Variants in KCNJ4 observed in about 807,000 individuals in gnomAD.
The protein encoded by KCNJ4 is potassium inwardly rectifying channel subfamily J member 4, also known as inward rectifier potassium channel 4.
KCNJ4 carries 3 observed loss-of-function variants against 25.6 expected under a neutral mutation model. The ratio of observed to expected loss-of-function variants is 0.12; its 90% confidence interval spans 0.05 to 0.30. KCNJ4 has a LOEUF of 0.30. Ranked by LOEUF, KCNJ4 falls within the 10% of genes least tolerant of loss-of-function variation. The probability of loss-of-function intolerance (pLI) is 1.00; values close to 1 mark genes in which losing one functional copy is unlikely to be tolerated. For missense variants in KCNJ4, 286 were observed against 666.8 expected (o/e 0.43, Z 6.29); for synonymous variants, 257 against 283.9 (o/e 0.91, Z 0.95).
chr22:38,439,601 C>A (rs1384946679), intron 1 of KCNJ4, among the ~76,000 whole-genome samples: 1 of 148,800 alleles, frequency 6.7e-6, no homozygotes, highest in Non-Finnish European at 1.5e-5. Context: ...ACGGTGAAAC[C>A]CCGTCTCTAC....
chr22:38,439,381 A>C (rs1365006592), intron 1 of KCNJ4, among the ~76,000 whole-genome samples: 1 of 152,158 alleles, frequency 6.6e-6, no homozygotes, highest in African/African-American at 2.4e-5. Flanking sequence ...ACAGTCAGCC[A>C]AGGTCACACC....
Position 38,445,738 on chromosome 22 carries a change from G to A in KCNJ4, c.-40+9242C>T, listed in dbSNP as rs538638994. Among the ~76,000 whole-genome samples, 4 of 152,244 alleles carry A rather than the reference G, an allele frequency of 2.6e-5. No individual in the cohort carries two copies. The South Asian group carries it at 8.3e-4, about 32-fold the overall frequency. Reference sequence around the variant, plus strand: ...AATTTTCTTTTTAATTTCATTTTCGGAAAACAAGTAGTGCAACTCACTAAG... The same window carrying A: ...AATTTTCTTTTTAATTTCATTTTCGAAAAACAAGTAGTGCAACTCACTAAG... On this transcript the variant is annotated intron_variant, in intron 1 of 1. Coordinates refer to ENST00000303592, the MANE Select transcript of KCNJ4 (RefSeq NM_152868.3).
chr22:38,452,465 A>T (rs1352277209), intron 1 of KCNJ4, among the ~76,000 whole-genome samples: 1 of 152,098 alleles, frequency 6.6e-6, no homozygotes, highest in Non-Finnish European at 1.5e-5. Flanking sequence ...CTGAGATGGG[A>T]AGAGTGAGCA....
intron 1 of KCNJ4, among the ~76,000 whole-genome samples, chr22:38,439,658 C>G (rs2089317943): frequency 2.7e-5 from 4 of 149,402 alleles, no homozygotes. Flanking sequence ...ACCTGTAGTC[C>G]CAGCTACTCG....
At chr22:38,437,628 C>T (rs2093068995) in intron 1 of KCNJ4, among the ~76,000 whole-genome samples, 2 of 152,128 alleles carry the variant, frequency 1.3e-5, no homozygotes, top group South Asian at 2.1e-4. Context: ...CACAGGCGGC[C>T]GGATGTGTGT....
At chr22:38,439,587 G>A (rs980051558) in intron 1 of KCNJ4, among the ~76,000 whole-genome samples, 11 of 135,736 alleles carry the variant, frequency 8.1e-5, no homozygotes, top group Admixed American at 1.5e-4. Context: ...CCATCCTGGC[G>A]AACACGGTGA....
chr22:38,446,998 G>C (rs1489680868), intron 1 of KCNJ4, among the ~76,000 whole-genome samples: 3 of 151,028 alleles, frequency 2.0e-5, no homozygotes, highest in Non-Finnish European at 4.4e-5. Context: ...CCACCCTTAC[G>C]GGGCAGGGGG....
chr22:38,432,186 G>A (rs1316639265), intron 1 of KCNJ4, among the ~76,000 whole-genome samples: 1 of 151,564 alleles, frequency 6.6e-6, no homozygotes, highest in East Asian at 1.9e-4. Flanking sequence ...AACCTGGGAG[G>A]CAGAGGTTGC....
intron 1 of KCNJ4, among the ~76,000 whole-genome samples, chr22:38,448,638 C>T (rs1350494292): frequency 2.6e-5 from 4 of 152,146 alleles, no homozygotes; most frequent in South Asian, 2.1e-4. Context: ...GAGGAGGGGC[C>T]GGCAGCCCTG....
At chr22:38,451,539 G>A (rs940141121) in intron 1 of KCNJ4, among the ~76,000 whole-genome samples, 10 of 152,200 alleles carry the variant, frequency 6.6e-5, no homozygotes, top group African/African-American at 2.4e-4. Context: ...AGAGAAGGGA[G>A]GGAGAAAGGA....
chr22:38,451,716 ACC>A (rs1840415539), intron 1 of KCNJ4, among the ~76,000 whole-genome samples: 1 of 151,912 alleles, frequency 6.6e-6, no homozygotes, highest in East Asian at 1.9e-4. Context: ...CATCACTGTG[ACC>A]CTCATGGGTC....
At position 38,428,049 on chromosome 22, in the gene KCNJ4, G is replaced by A. The variant is rs776055791; in HGVS notation, c.84C>T (p.Cys28=). Residue 28 remains cysteine, a synonymous_variant, in exon 2 of 2, where the codon TGC becomes TGT. Transcript: ENST00000303592. ...TGCTCAGGTTGGCGAAGTACACGTT[G>A]CATTGGCCGTTCTTCTTGACGAAGC... The part of the protein sequence containing the change: ...RNRFVKKNGQ[C]NVYFANLSNK... 1.9e-6 allele frequency: 3 copies of A among 1,614,170 alleles called. No individual in the cohort carries two copies. The highest frequency in any genetic ancestry group is 1.6e-4 in the Middle Eastern group (1 of 6,062).
chr22:38,443,905 T>C lies in KCNJ4; in HGVS notation c.-40+11075A>G, dbSNP rs1427003975. Among the ~76,000 whole-genome samples, 1 of 152,044 alleles carries C rather than the reference T, an allele frequency of 6.6e-6. No homozygotes were observed. Among genetic ancestry groups the C allele is most frequent in the Non-Finnish European group, 1.5e-5 (1 of 68,002 alleles). ...CCCGCCTCAGAGAGGTCCTGCCCTC[T>C]CTGACTGCACCCCCTCCACTCTCCA... On this transcript the variant is annotated intron_variant, in intron 1 of 1. Coordinates refer to ENST00000303592, the MANE Select transcript of KCNJ4 (RefSeq NM_152868.3). The surrounding 1 kb of genome is among the most constrained non-coding windows in gnomAD (Gnocchi z 4.1).
chr22:38,441,869 CA>C (rs1401198907), intron 1 of KCNJ4, among the ~76,000 whole-genome samples: 5 of 152,200 alleles, frequency 3.3e-5, no homozygotes, highest in Non-Finnish European at 1.5e-5. Flanking sequence ...GCACAGCACA[CA>C]GACAGAAAAA....
chr22:38,444,156 T>G (rs1195736264), intron 1 of KCNJ4, among the ~76,000 whole-genome samples: 1 of 152,078 alleles, frequency 6.6e-6, no homozygotes, highest in African/African-American at 2.4e-5. Flanking sequence ...CCCTTAGCAG[T>G]CAAACCAGTC....
At chr22:38,444,788 T>C (rs1214320941) in intron 1 of KCNJ4, among the ~76,000 whole-genome samples, 1 of 152,070 alleles carries the variant, frequency 6.6e-6, no homozygotes, top group African/African-American at 2.4e-5. Context: ...CTGACCACCT[T>C]CCCACTGGCT....
At chr22:38,445,787 G>A (rs575429448) in intron 1 of KCNJ4, among the ~76,000 whole-genome samples, 1 of 152,272 alleles carries the variant, frequency 6.6e-6, no homozygotes, top group South Asian at 2.1e-4. Context: ...CCACTAACGG[G>A]GCAGGACCTG....
intron 1 of KCNJ4, among the ~76,000 whole-genome samples, chr22:38,439,889 G>A (rs1333659914): frequency 6.7e-6 from 1 of 148,918 alleles, no homozygotes; most frequent in African/African-American, 2.5e-5. Context: ...AGGAGATTGA[G>A]ACCATCTTGG....
At chr22:38,446,326 A>G (rs1176841449) in intron 1 of KCNJ4, among the ~76,000 whole-genome samples, 2 of 152,214 alleles carry the variant, frequency 1.3e-5, no homozygotes, top group African/African-American at 4.8e-5. Flanking sequence ...CTGCCCAGCC[A>G]CTGCCGGGTG....
Sources: gnomAD v4.1 joint callset for allele counts (sites outside exome capture counted in the v4.1 genomes callset) on GRCh38, gnomAD v4.1.1 for gene constraint, Gnocchi (gnomAD v3.1) non-coding constraint, MANE v1.5 for transcripts, NCBI Gene and HGNC (gene_info 2026-07-23, HGNC 2026-07-21) for gene names.